RBFOX1: variants seen among roughly 807,000 people sequenced by gnomAD.
RBFOX1 encodes RNA binding fox-1 homolog 1, also known as RNA binding protein fox-1 homolog 1.
Under a neutral mutation model 57.7 loss-of-function variants are expected in RBFOX1, and 8 were observed. That is an observed-to-expected ratio of 0.14 (90% CI 0.08 to 0.25). The LOEUF is 0.25. Among genes scored for constraint, RBFOX1 ranks in the 10% least tolerant of loss-of-function variants. The pLI, the probability that RBFOX1 is intolerant of heterozygous loss-of-function variation, is 1.00. For synonymous variants in RBFOX1, 326 were observed against 222.4 expected (o/e 1.47, Z -4.15); for missense variants, 611 against 548.5 (o/e 1.11, Z -1.14).
intron 3 of RBFOX1, among the ~76,000 whole-genome samples, chr16:6,997,970 C>T (rs973914602): frequency 1.3e-5 from 2 of 151,720 alleles, no homozygotes; most frequent in South Asian, 2.1e-4. Context: ...ATCATTTAAA[C>T]AGCTTGGCAG....
chr16:6,797,148 GGCAGCA>G (rs148535851), intron 3 of RBFOX1, among the ~76,000 whole-genome samples: 1 of 152,126 alleles, frequency 6.6e-6, no homozygotes, highest in Non-Finnish European at 1.5e-5. Context: ...TCTGCAGATA[GGCAGCA>G]GCAGCAGCAG....
At chr16:5,614,749 T>G (rs530388119) in intron 3 of RBFOX1, among the ~76,000 whole-genome samples, 1 of 152,356 alleles carries the variant, frequency 6.6e-6, no homozygotes, top group East Asian at 1.9e-4. Flanking sequence ...AATGCAAATC[T>G]AGATGCGAGA....
chr16:6,493,367 A>G (rs73526535), intron 2 of RBFOX1, among the ~76,000 whole-genome samples: 1 of 152,122 alleles, frequency 6.6e-6, no homozygotes, highest in Non-Finnish European at 1.5e-5. Context: ...AAGAAAATCA[A>G]ATTTCCCTGT....
intron 2 of RBFOX1, among the ~76,000 whole-genome samples, chr16:6,550,789 A>G (rs2153873983): frequency 6.6e-6 from 1 of 152,364 alleles, no homozygotes; most frequent in East Asian, 1.9e-4. Context: ...CTTGAGAAAC[A>G]GAGTACTGTT....
intron 2 of RBFOX1, among the ~76,000 whole-genome samples, chr16:6,574,354 T>TC (rs2097391987): frequency 6.6e-6 from 1 of 151,888 alleles, no homozygotes; most frequent in Admixed American, 6.6e-5. Context: ...CGTCAGTTTT[T>TC]CACTAGCGTG....
chr16:6,607,061 A>G (rs537350838), intron 2 of RBFOX1, among the ~76,000 whole-genome samples: 2 of 152,140 alleles, frequency 1.3e-5, no homozygotes, highest in Non-Finnish European at 2.9e-5. Context: ...ATGGCTATAC[A>G]TTTTTTAATA....
At chr16:7,198,486 CAG>C (rs1470739091) in intron 4 of RBFOX1, among the ~76,000 whole-genome samples, 1 of 152,144 alleles carries the variant, frequency 6.6e-6, no homozygotes, top group Non-Finnish European at 1.5e-5. Flanking sequence ...AACAGGAAGA[CAG>C]AGTGTTTTAG....
chr16:7,461,342 A>G (rs1035765032), intron 4 of RBFOX1, among the ~76,000 whole-genome samples: 1 of 151,962 alleles, frequency 6.6e-6, no homozygotes. Context: ...TAATTTTTGT[A>G]TTTTTAGTGA....
intron 4 of RBFOX1, among the ~76,000 whole-genome samples, chr16:5,941,034 T>C (rs1355930740): frequency 6.6e-6 from 1 of 152,176 alleles, no homozygotes; most frequent in African/African-American, 2.4e-5. Context: ...TGGTGGGTTG[T>C]TGTGAGAATT....
chr16:5,563,241 G>C (rs904660805), intron 2 of RBFOX1, among the ~76,000 whole-genome samples: 1 of 152,146 alleles, frequency 6.6e-6, no homozygotes, highest in Non-Finnish European at 1.5e-5. Context: ...GAGCCACCGC[G>C]CCCAGCTGAG....
chr16:7,453,895 A>G (rs138085841), intron 4 of RBFOX1, among the ~76,000 whole-genome samples: 4 of 152,304 alleles, frequency 2.6e-5, no homozygotes, highest in African/African-American at 9.6e-5. Flanking sequence ...GTCCTCGCAA[A>G]GAAGGAGTGG....
chr16:7,632,173 T>A (rs1435755791), intron 11 of RBFOX1, among the ~76,000 whole-genome samples: 1 of 152,182 alleles, frequency 6.6e-6, no homozygotes, highest in Non-Finnish European at 1.5e-5. Flanking sequence ...CCTCCCAAAG[T>A]ACTGGAATTA....
chr16:6,362,227 C>G (rs554490461), intron 2 of RBFOX1, among the ~76,000 whole-genome samples: 7 of 151,276 alleles, frequency 4.6e-5, no homozygotes, highest in African/African-American at 1.7e-4. Context: ...GTAATCGATG[C>G]ATATCACATC....
At chr16:6,534,033 C>G (rs368017457) in intron 2 of RBFOX1, among the ~76,000 whole-genome samples, 28 of 152,036 alleles carry the variant, frequency 1.8e-4, no homozygotes, top group East Asian at 7.7e-4. Context: ...AGAGCTGTGG[C>G]TCTGGACTTA....
chr16:7,551,811 C>T (rs997691962), intron 5 of RBFOX1, among the ~76,000 whole-genome samples: 68 of 152,224 alleles, frequency 4.5e-4, no homozygotes, highest in African/African-American at 1.4e-3. Flanking sequence ...CAGACATTGG[C>T]GGTGTTTTTC....
chr16:6,435,943 T>C (rs1434348118), intron 2 of RBFOX1, among the ~76,000 whole-genome samples: 1 of 152,136 alleles, frequency 6.6e-6, no homozygotes, highest in African/African-American at 2.4e-5. Flanking sequence ...ACCACGAACT[T>C]CACTTAGCAT....
intron 4 of RBFOX1, among the ~76,000 whole-genome samples, chr16:7,260,751 A>G (rs1480133279): frequency 6.6e-6 from 1 of 152,214 alleles, no homozygotes; most frequent in Non-Finnish European, 1.5e-5. Flanking sequence ...ACTTCAGGAT[A>G]GAACACACAG....
chr16:6,227,060 G>A (rs185875547), intron 1 of RBFOX1, among the ~76,000 whole-genome samples: 2 of 151,952 alleles, frequency 1.3e-5, no homozygotes, highest in Admixed American at 6.6e-5. Context: ...GGAGGCAGAG[G>A]TTGCAGTGAG....
At chr16:6,501,088 G>T (rs42188) in intron 2 of RBFOX1, among the ~76,000 whole-genome samples, 2 of 148,644 alleles carry the variant, frequency 1.3e-5, no homozygotes, top group Admixed American at 6.6e-5. Flanking sequence ...GATGAGTTCA[G>T]AGGTCTTTCT....
Sources: gnomAD v4.1 joint callset for allele counts (sites outside exome capture counted in the v4.1 genomes callset) on GRCh38, gnomAD v4.1.1 for gene constraint, MANE v1.5 for transcripts, NCBI Gene and HGNC (gene_info 2026-07-23, HGNC 2026-07-21) for gene names.